The following GABRG1 variants were observed in gnomAD, a reference collection of about 807,000 sequenced individuals.
GABRG1 encodes the protein gamma-aminobutyric acid type A receptor subunit gamma1, also known as gamma-aminobutyric acid receptor subunit gamma-1.
In GABRG1, 49 loss-of-function variants were observed where a neutral mutation model predicts 49.8. The observed-to-expected ratio is 0.98, with a 90% CI of 0.78 to 1.25. The LOEUF is 1.25. Among genes scored for constraint, GABRG1 ranks in the 50% most tolerant of loss-of-function variants. GABRG1 has a pLI of 0.00. For synonymous variants in GABRG1, 232 were observed against 185.1 expected (o/e 1.25, Z -2.06); for missense variants, 552 against 552.3 (o/e 1.00, Z 0.01).
chr4:46,067,811 T>C (rs1221132808), intron 3 of GABRG1, among the ~76,000 whole-genome samples: 1 of 152,160 alleles, frequency 6.6e-6, no homozygotes, highest in Non-Finnish European at 1.5e-5. Context: ...ACGCTGTAGA[T>C]GTTTAATCAT....
chr4:46,104,239 A>G (rs1720466670), intron 1 of GABRG1, among the ~76,000 whole-genome samples: 1 of 151,452 alleles, frequency 6.6e-6, no homozygotes, highest in Non-Finnish European at 1.5e-5. Context: ...AAACATACAT[A>G]GAGATTGTAG....
At chr4:46,089,733 C>T (rs912069298) in intron 2 of GABRG1, among the ~76,000 whole-genome samples, 1 of 152,038 alleles carries the variant, frequency 6.6e-6, no homozygotes, top group African/African-American at 2.4e-5. Context: ...GAGGCTGGGG[C>T]AGGCAGATCG....
intron 8 of GABRG1, among the ~76,000 whole-genome samples, chr4:46,045,921 G>A (rs192619988): frequency 6.4e-4 from 97 of 152,120 alleles, no homozygotes; most frequent in African/African-American, 2.2e-3. Flanking sequence ...AGATACAACA[G>A]AAGAGCTATT....
At chr4:46,111,899 C>T (rs146026418) in intron 1 of GABRG1, among the ~76,000 whole-genome samples, 35 of 151,246 alleles carry the variant, frequency 2.3e-4, no homozygotes, top group African/African-American at 8.4e-4. Flanking sequence ...TACAAGAAAA[C>T]CTAGGAAACA....
chr4:46,047,132 A>G (rs926175038), intron 8 of GABRG1, among the ~76,000 whole-genome samples: 1 of 152,102 alleles, frequency 6.6e-6, no homozygotes, highest in Non-Finnish European at 1.5e-5. Flanking sequence ...TGAGCACTTG[A>G]AATGCGACTA....
At chr4:46,109,526 G>C (rs1038487352) in intron 1 of GABRG1, among the ~76,000 whole-genome samples, 15 of 150,832 alleles carry the variant, frequency 9.9e-5, no homozygotes, top group Non-Finnish European at 1.8e-4. Context: ...GTTCTGTTCT[G>C]ATATTAGTTA....
At chr4:46,091,865 T>A (rs1347547044) in intron 2 of GABRG1, among the ~76,000 whole-genome samples, 1 of 151,676 alleles carries the variant, frequency 6.6e-6, no homozygotes, top group African/African-American at 2.4e-5. Context: ...ACAAAGCAAA[T>A]CTAGGGACAC....
chr4:46,118,260 A>G (rs550601172), intron 1 of GABRG1, among the ~76,000 whole-genome samples: 1 of 149,676 alleles, frequency 6.7e-6, no homozygotes, highest in African/African-American at 2.4e-5. Flanking sequence ...CTATCTATCT[A>G]TCTATCTATC....
intron 1 of GABRG1, among the ~76,000 whole-genome samples, chr4:46,106,786 TA>T (rs1377328799): frequency 3.7e-4 from 2 of 5,440 alleles, no homozygotes; most frequent in Non-Finnish European, 1.0e-3. Flanking sequence ...GAGGTTACTG[TA>T]AATTTTTTTT....
rs562483046 is a variant in GABRG1 at position 46,097,442 on chromosome 4, GTAA to G, written c.105-96_105-94del. The G allele has an allele frequency of 1.3e-4, 163 of 1,230,498 alleles. 3 individuals carry two copies. The South Asian group carries it at 2.5e-3, about 19-fold the overall frequency. 76.2% of individuals were successfully genotyped at this position (1,230,498 alleles called of 1,614,324 possible). On this transcript the variant is annotated intron_variant, in intron 1 of 8. Coordinates refer to ENST00000295452, the MANE Select transcript of GABRG1 (RefSeq NM_173536.4). ...AAGTATGTTACAATTGAGTAAGAAA[GTAA>G]TAATGGCAGACAAAAAGGTATTACA...
Position 46,070,745 on chromosome 4 carries a change from G to C in GABRG1, c.322-5161C>G, listed in dbSNP as rs146664591. Among the ~76,000 whole-genome samples, 94 of 152,128 alleles carry C rather than the reference G, an allele frequency of 6.2e-4. 1 individual carries two copies. In the East Asian group the frequency reaches 0.017, roughly 28 times the overall value. On this transcript the variant is annotated intron_variant, in intron 3 of 8. Transcript: ENST00000295452. ...GGAAGACTGGTAGTTAGGGAGCCAG[G>C]GAAGAGTTTATGATTCAGTCTTGAA...
At chr4:46,042,415 A>G (rs1717821170) in intron 8 of GABRG1, among the ~76,000 whole-genome samples, 2 of 151,978 alleles carry the variant, frequency 1.3e-5, no homozygotes. Context: ...TTCAGAATTC[A>G]ACATATTTTG....
At chr4:46,079,683 T>C (rs1275767565) in intron 3 of GABRG1, among the ~76,000 whole-genome samples, 2 of 151,872 alleles carry the variant, frequency 1.3e-5, no homozygotes. Flanking sequence ...AATCTTATAC[T>C]GTAGCCTCCT....
rs1358548900 is a variant in GABRG1, at chr4:46,090,945, CACACACACAT to C, written c.253+6246_253+6255del. ...GACTTCCCTGGAATACACACACACA[CACACACACAT>C]ACACACACACACACACACACACACA... On this transcript the variant is annotated intron_variant, in intron 2 of 8. Transcript: ENST00000295452. 2.9e-4 allele frequency among the ~76,000 whole-genome samples: 41 copies of C among 139,644 alleles called. No homozygotes were observed. In the South Asian group the frequency reaches 3.3e-3, roughly 11 times the overall value. 91.6% of individuals were successfully genotyped at this position (139,644 alleles called of 152,430 possible).
intron 3 of GABRG1, among the ~76,000 whole-genome samples, chr4:46,065,796 C>A (rs934543463): frequency 6.6e-6 from 1 of 152,088 alleles, no homozygotes; most frequent in Non-Finnish European, 1.5e-5. Flanking sequence ...AATCTCGGCT[C>A]ACCGCAAGCT....
At chr4:46,053,875 G>A (rs537886211) in intron 7 of GABRG1, among the ~76,000 whole-genome samples, 117 of 151,978 alleles carry the variant, frequency 7.7e-4, no homozygotes, top group African/African-American at 2.0e-3. Flanking sequence ...TTCTGAGTCC[G>A]TGATAATAAA....
chr4:46,099,658 A>G (rs1296401465), intron 1 of GABRG1, among the ~76,000 whole-genome samples: 1 of 151,616 alleles, frequency 6.6e-6, no homozygotes, highest in African/African-American at 2.4e-5. Context: ...TAGTTAAACA[A>G]TCTTAGCAAA....
chr4:46,089,824 G>A (rs1045762207), intron 2 of GABRG1, among the ~76,000 whole-genome samples: 4 of 151,928 alleles, frequency 2.6e-5, no homozygotes, highest in Non-Finnish European at 4.4e-5. Context: ...TTAGCTGTGC[G>A]GGGTGTGGCA....
chr4:46,068,531 A>T (rs993247358), intron 3 of GABRG1, among the ~76,000 whole-genome samples: 1 of 152,090 alleles, frequency 6.6e-6, no homozygotes, highest in Non-Finnish European at 1.5e-5. Context: ...AAAGTTTTCT[A>T]CTCACAGTTG....
Sources: gnomAD v4.1 joint callset for allele counts (sites outside exome capture counted in the v4.1 genomes callset) on GRCh38, gnomAD v4.1.1 for gene constraint, MANE v1.5 for transcripts, NCBI Gene and HGNC (gene_info 2026-07-23, HGNC 2026-07-21) for gene names.